The following PTPRD variants were observed in gnomAD, a reference collection of about 807,000 sequenced individuals.
PTPRD encodes the protein receptor-type tyrosine-protein phosphatase delta.
Under a neutral mutation model 214.5 loss-of-function variants are expected in PTPRD, and 34 were observed. The ratio of observed to expected loss-of-function variants is 0.16; its 90% CI spans 0.12 to 0.21. PTPRD has a LOEUF of 0.21. PTPRD is among the 10% of genes least tolerant of loss of function. The pLI, the probability that PTPRD is intolerant of heterozygous loss-of-function variation, is 1.00. For synonymous variants in PTPRD, 1,128 were observed against 845.7 expected (o/e 1.33, Z -5.79); for missense variants, 2,545 against 2,398.7 (o/e 1.06, Z -1.27).
intron 8 of PTPRD, among the ~76,000 whole-genome samples, chr9:9,511,586 T>G (rs891414081): frequency 2.0e-5 from 3 of 151,796 alleles, no homozygotes; most frequent in Admixed American, 6.6e-5. Flanking sequence ...AACGTTAAAT[T>G]AAAATAAATA....
chr9:10,321,200 T>C (rs560127728), intron 3 of PTPRD, among the ~76,000 whole-genome samples: 3 of 151,632 alleles, frequency 2.0e-5, no homozygotes, highest in Non-Finnish European at 4.4e-5. Flanking sequence ...TAATAACTAC[T>C]CCAAAGGGGA....
chr9:8,635,886 T>C (rs1209150213), intron 13 of PTPRD, among the ~76,000 whole-genome samples: 1 of 152,090 alleles, frequency 6.6e-6, no homozygotes, highest in East Asian at 1.9e-4. Context: ...TCCTCCAGAA[T>C]GAGCAAATTT....
chr9:8,445,945 A>G (rs748306087), intron 34 of PTPRD, among the ~76,000 whole-genome samples: 2 of 152,066 alleles, frequency 1.3e-5, no homozygotes, highest in African/African-American at 4.8e-5. Flanking sequence ...AGATACAGCA[A>G]CTCCTTAAGG....
rs376066697 is a variant in PTPRD, at chr9:10,600,208, A to C, written c.-600+12190T>G. On this transcript the variant is annotated intron_variant, in intron 2 of 45. Transcript: ENST00000381196. ...TTATATAAATCAATTTTCTTTAAAG[A>C]TCTTTTTTAATTGGTAATTCCATAG... Among the ~76,000 whole-genome samples the C allele has an allele frequency of 7.2e-5, 11 of 151,858 alleles. No individual in the cohort carries two copies. The South Asian group carries it at 1.0e-3, about 14-fold the overall frequency.
rs531363715 is a variant in PTPRD, at chr9:8,440,064, G to A, written c.3989-3375C>T. ...CTCAGCACTGGCTCTTAGTCCTATA[G>A]GATTCATGATGGGGGGCCTATAACT... On this transcript the variant is annotated intron_variant, in intron 34 of 45. Coordinates refer to ENST00000381196, the MANE Select transcript of PTPRD (RefSeq NM_002839.4). Among the ~76,000 whole-genome samples, 74 of 147,298 alleles carry A rather than the reference G, an allele frequency of 5.0e-4. 1 individual carries two copies. The highest frequency in any genetic ancestry group is 9.0e-4 in the Non-Finnish European group (61 of 67,430).
intron 3 of PTPRD, among the ~76,000 whole-genome samples, chr9:10,148,754 A>G (rs2099040980): frequency 6.6e-6 from 1 of 152,184 alleles, no homozygotes. Flanking sequence ...TAGGCCAATT[A>G]AACTACCATC....
chr9:9,796,710 G>A (rs566137021), intron 5 of PTPRD, among the ~76,000 whole-genome samples: 6 of 152,080 alleles, frequency 3.9e-5, no homozygotes, highest in East Asian at 1.9e-4. Context: ...AGGTAAAGTC[G>A]GAAAGGACTT....
chr9:9,556,521 A>T (rs917025545), intron 8 of PTPRD, among the ~76,000 whole-genome samples: 1 of 152,222 alleles, frequency 6.6e-6, no homozygotes, highest in African/African-American at 2.4e-5. Context: ...AAGTCTATCA[A>T]TTGTGTTTCA....
chr9:8,389,424 G>C lies in PTPRD; in HGVS notation c.4211-17C>G, dbSNP rs750702814. 23 of 1,598,054 alleles carry C rather than the reference G, an allele frequency of 1.4e-5. No homozygotes were observed. The highest frequency in any genetic ancestry group is 2.0e-5 in the Non-Finnish European group (23 of 1,171,920). ...CTGGGATCCCTGGAAAACAAGGAGT[G>C]TTATTCAACCAGGTGAGCACATCAC... is the stretch of plus-strand genomic sequence containing the variant. On this transcript the variant is annotated splice_polypyrimidine_tract_variant and intron_variant, in intron 36 of 45. Coordinates refer to ENST00000381196, the MANE Select transcript of PTPRD (RefSeq NM_002839.4).
intron 3 of PTPRD, among the ~76,000 whole-genome samples, chr9:10,142,189 A>G (rs1255173413): frequency 2.0e-5 from 3 of 152,030 alleles, no homozygotes; most frequent in Non-Finnish European, 4.4e-5. Flanking sequence ...AAACCTAGGC[A>G]TTACCATTCA....
At chr9:8,549,983 T>G (rs2081518421) in intron 14 of PTPRD, among the ~76,000 whole-genome samples, 1 of 152,032 alleles carries the variant, frequency 6.6e-6, no homozygotes, top group African/African-American at 2.4e-5. Context: ...AATGTAGGAG[T>G]GCAACATTAA....
chr9:10,419,773 T>G (rs1027208622), intron 2 of PTPRD, among the ~76,000 whole-genome samples: 2 of 151,948 alleles, frequency 1.3e-5, no homozygotes, highest in South Asian at 2.1e-4. Context: ...ATTATTATCA[T>G]GTACAATCTG....
chr9:9,730,636 G>C (rs796443092), intron 7 of PTPRD, among the ~76,000 whole-genome samples: 6 of 151,950 alleles, frequency 3.9e-5, no homozygotes, highest in African/African-American at 1.4e-4. Context: ...ATGTAGAATT[G>C]GGTTTTATTA....
Position 9,927,295 on chromosome 9 carries a change from CTG to C in PTPRD, c.-368+11210_-368+11211del, listed in dbSNP as rs2084675137. On this transcript the variant is annotated intron_variant, in intron 5 of 45. Coordinates refer to ENST00000381196, the MANE Select transcript of PTPRD (RefSeq NM_002839.4). ...ACTTAAAACCCACCTAAATCAATCTCTGTGTTTTCTTTTCAGTATTACCTTCC... is the reference window on the plus strand; with the variant it reads ...ACTTAAAACCCACCTAAATCAATCTCTGTTTTCTTTTCAGTATTACCTTCC... Among the ~76,000 whole-genome samples, 7 of 152,092 alleles carry C rather than the reference CTG, an allele frequency of 4.6e-5. 1 individual carries two copies. The South Asian group carries it at 1.0e-3, about 22-fold the overall frequency.
chr9:9,930,091 A>G (rs2085896507), intron 5 of PTPRD, among the ~76,000 whole-genome samples: 3 of 152,222 alleles, frequency 2.0e-5, no homozygotes, highest in African/African-American at 7.2e-5. Context: ...ATAGGAATAC[A>G]CTACTTAGGG....
intron 33 of PTPRD, among the ~76,000 whole-genome samples, chr9:8,456,508 G>A (rs2096208956): frequency 3.3e-5 from 5 of 152,130 alleles, no homozygotes; most frequent in Admixed American, 3.3e-4. Context: ...AAGCCAGAAA[G>A]CAGAGTCAAC....
At chr9:9,441,488 T>C (rs1161664729) in intron 8 of PTPRD, among the ~76,000 whole-genome samples, 2 of 152,184 alleles carry the variant, frequency 1.3e-5, no homozygotes, top group African/African-American at 2.4e-5. Context: ...CATAGAGTGC[T>C]GAGGCTTCAA....
At chr9:9,993,368 G>GT (rs557964774) in intron 4 of PTPRD, among the ~76,000 whole-genome samples, 1 of 152,226 alleles carries the variant, frequency 6.6e-6, no homozygotes, top group South Asian at 2.1e-4. Context: ...AAGGTCGTAT[G>GT]TTTTTTTGTA....
At chr9:10,085,669 C>G (rs2098325238) in intron 3 of PTPRD, among the ~76,000 whole-genome samples, 1 of 151,728 alleles carries the variant, frequency 6.6e-6, no homozygotes, top group Admixed American at 6.6e-5. Flanking sequence ...CCATCACCAT[C>G]ACACACATTC....
Sources: allele counts gnomAD v4.1 joint callset (sites outside exome capture counted in the v4.1 genomes callset), GRCh38; gene constraint gnomAD v4.1.1; transcripts MANE v1.5; gene names NCBI Gene and HGNC (gene_info 2026-07-23, HGNC 2026-07-21).